Variants in DPY19L2 observed in about 807,000 individuals in gnomAD.
The protein encoded by DPY19L2 is dpy-19 like 2.
A neutral mutation model predicts 97.9 loss-of-function variants in DPY19L2; 34 were observed. That is an observed-to-expected ratio of 0.35 (90% CI 0.26 to 0.46). The LOEUF is 0.46. Ranked by LOEUF, DPY19L2 falls within the 20% of genes least tolerant of loss-of-function variation. DPY19L2 has a pLI of 1.00. For synonymous variants in DPY19L2, 230 were observed against 307.9 expected (o/e 0.75, Z 2.65); for missense variants, 623 against 911.4 (o/e 0.68, Z 4.07).
chr12:63,595,613 T>C (rs1284618726), intron 15 of DPY19L2, among the ~76,000 whole-genome samples: 1 of 152,142 alleles, frequency 6.6e-6, no homozygotes, highest in African/African-American at 2.4e-5. Context: ...TTTTAATTCT[T>C]TAGACATTTG....
intron 8 of DPY19L2, among the ~76,000 whole-genome samples, chr12:63,621,732 G>C (rs1223231524): frequency 1.3e-5 from 2 of 152,056 alleles, no homozygotes; most frequent in Non-Finnish European, 2.9e-5. Context: ...CAACTTTTGT[G>C]CTTCAAAAAA....
chr12:63,574,250 T>A (rs1466739264), intron 19 of DPY19L2, among the ~76,000 whole-genome samples: 1 of 151,944 alleles, frequency 6.6e-6, no homozygotes, highest in Admixed American at 6.6e-5. Flanking sequence ...TTGTCATCAG[T>A]TTAAAATATT....
intron 16 of DPY19L2, among the ~76,000 whole-genome samples, chr12:63,584,831 T>A (rs1487551469): frequency 6.6e-6 from 1 of 152,194 alleles, no homozygotes; most frequent in East Asian, 1.9e-4. Context: ...AGAAAAAACA[T>A]CATATGCTGA....
At chr12:63,662,509 CTAA>C (rs1485501079) in intron 3 of DPY19L2, among the ~76,000 whole-genome samples, 1 of 151,898 alleles carries the variant, frequency 6.6e-6, no homozygotes, top group East Asian at 1.9e-4. Flanking sequence ...TAAAAAGTTA[CTAA>C]TAACAGCTAT....
chr12:63,617,901 GTAA>G (rs1437197971), intron 10 of DPY19L2, among the ~76,000 whole-genome samples: 1 of 151,972 alleles, frequency 6.6e-6, no homozygotes, highest in African/African-American at 2.4e-5. Context: ...TTTAAAAGTA[GTAA>G]TAATAATAAG....
intron 19 of DPY19L2, among the ~76,000 whole-genome samples, chr12:63,576,495 G>A (rs1244977110): frequency 2.0e-5 from 3 of 151,672 alleles, no homozygotes; most frequent in Non-Finnish European, 4.4e-5. Flanking sequence ...GAAAGGAAGA[G>A]GCCAAATTAT....
chr12:63,571,765 A>G (rs1321080392), intron 19 of DPY19L2, among the ~76,000 whole-genome samples: 1 of 152,182 alleles, frequency 6.6e-6, no homozygotes, highest in Non-Finnish European at 1.5e-5. Flanking sequence ...ATAACTAGAG[A>G]TACATCAAAA....
intron 13 of DPY19L2, among the ~76,000 whole-genome samples, chr12:63,598,505 T>G (rs1884627739): frequency 6.6e-6 from 1 of 152,156 alleles, no homozygotes; most frequent in South Asian, 2.1e-4. Flanking sequence ...CCAAACCCAA[T>G]GCAGAACTTC....
At chr12:63,568,413 G>T (rs922490491) in intron 21 of DPY19L2, among the ~76,000 whole-genome samples, 34 of 151,902 alleles carry the variant, frequency 2.2e-4, no homozygotes, top group Non-Finnish European at 4.7e-4. Context: ...TTAATTCATT[G>T]AATACATTTT....
intron 16 of DPY19L2, among the ~76,000 whole-genome samples, chr12:63,592,133 A>T (rs1883196841): frequency 6.7e-6 from 1 of 149,024 alleles, no homozygotes; most frequent in Non-Finnish European, 1.5e-5. Flanking sequence ...AGACAAGACA[A>T]GACAGAGAGA....
rs951428031 is a variant in DPY19L2, at chr12:63,577,667, A to T, written c.1900+2995T>A. Reference sequence around the variant, plus strand: ...AAACATACAAGTGGCAAACAGGTACATGAAAAGGTGCTCAACATCACTGAT... The same window carrying T: ...AAACATACAAGTGGCAAACAGGTACTTGAAAAGGTGCTCAACATCACTGAT... On this transcript the variant is annotated intron_variant, in intron 19 of 21. Coordinates refer to ENST00000324472, the MANE Select transcript of DPY19L2 (RefSeq NM_173812.5). Among the ~76,000 whole-genome samples the T allele has an allele frequency of 2.7e-4, 41 of 152,284 alleles. 1 individual carries two copies. Among genetic ancestry groups the T allele is most frequent in the African/African-American group, 7.7e-4 (32 of 41,570 alleles).
At chr12:63,598,506 G>A (rs192551050) in intron 13 of DPY19L2, among the ~76,000 whole-genome samples, 77 of 152,170 alleles carry the variant, frequency 5.1e-4, no homozygotes, top group African/African-American at 1.8e-3. Flanking sequence ...CAAACCCAAT[G>A]CAGAACTTCT....
At position 63,668,325 on chromosome 12, in the gene DPY19L2, G is replaced by A. The variant is rs757169306; in HGVS notation, c.69C>T (p.Arg23=). The change falls in exon 1 of 22, where the codon CGC becomes CGT. Residue 23 remains arginine (R), a synonymous_variant. Transcript: ENST00000324472. ...CCGGCTCCCGGGCGAGGGAGGCCCCGCGCCGCCCCTTAGACTGGCTGCGGC... is the reference window on the plus strand; with the variant it reads ...CCGGCTCCCGGGCGAGGGAGGCCCCACGCCGCCCCTTAGACTGGCTGCGGC... ...SSGRSQSKGR[R]GASLAREPEV... The A allele has an allele frequency of 6.2e-7, 1 of 1,613,874 alleles. No homozygotes were observed. Among genetic ancestry groups the A allele is most frequent in the East Asian group, 2.2e-5 (1 of 44,832 alleles).
chr12:63,645,817 A>C, intron 5 of DPY19L2, among the ~76,000 whole-genome samples: 1 of 151,982 alleles, frequency 6.6e-6, no homozygotes, highest in South Asian at 2.1e-4. Context: ...GGCCTCCCTT[A>C]ACCTACTTTT....
At chr12:63,636,094 A>G (rs966011242) in intron 6 of DPY19L2, among the ~76,000 whole-genome samples, 1 of 97,680 alleles carries the variant, frequency 1.0e-5, no homozygotes, top group Non-Finnish European at 2.1e-5. Flanking sequence ...CAGAAACTCT[A>G]CAAGCCAGAA....
chr12:63,633,943 C>A (rs1891172787), intron 6 of DPY19L2, among the ~76,000 whole-genome samples: 1 of 152,076 alleles, frequency 6.6e-6, no homozygotes. Context: ...AACCATCATT[C>A]TCAGCAAACT....
chr12:63,599,677 A>T (rs566091250), intron 13 of DPY19L2, among the ~76,000 whole-genome samples: 37 of 152,244 alleles, frequency 2.4e-4, no homozygotes, highest in African/African-American at 8.9e-4. Flanking sequence ...TAAAAAGTAG[A>T]TTCATGCATT....
intron 11 of DPY19L2, among the ~76,000 whole-genome samples, chr12:63,614,088 G>C (rs1461166065): frequency 1.3e-5 from 2 of 151,468 alleles, no homozygotes; most frequent in Non-Finnish European, 2.9e-5. Flanking sequence ...TACATGGGAG[G>C]CTGAGGCAAG....
In DPY19L2 at chr12:63,594,491, G is replaced by GTGTGTGTGTGTGTGTGTGTA. The variant is rs58963302; in HGVS notation, c.1534-359_1534-358insTACACACACACACACACACA. 7.8e-3 allele frequency among the ~76,000 whole-genome samples: 1,128 copies of GTGTGTGTGTGTGTGTGTGTA among 144,394 alleles called. 34 individuals are homozygous for GTGTGTGTGTGTGTGTGTGTA. The highest frequency in any genetic ancestry group is 0.029 in the African/African-American group (1,066 of 36,908). The allele number at this position is 144,394 out of a possible 152,430, so 94.7% of individuals were successfully genotyped here. A position where few individuals can be genotyped will look rare whatever the true frequency, so the allele number is the denominator to read the frequency against. ...TGTGTGTGTGTGTGTGTGTGTGTGT[G>GTGTGTGTGTGTGTGTGTGTA]TATGAAACTTGGCCGGCTACAGGGA... On this transcript the variant is annotated intron_variant, in intron 15 of 21. Coordinates refer to ENST00000324472, the MANE Select transcript of DPY19L2 (RefSeq NM_173812.5).
Sources: allele counts gnomAD v4.1 joint callset (sites outside exome capture counted in the v4.1 genomes callset), GRCh38; gene constraint gnomAD v4.1.1; transcripts MANE v1.5; gene names NCBI Gene and HGNC (gene_info 2026-07-23, HGNC 2026-07-21).